The following KPNA4 variants were observed in gnomAD, a reference collection of about 807,000 sequenced individuals.
KPNA4 encodes importin subunit alpha-3.
KPNA4 carries 13 observed loss-of-function variants against 71.3 expected under a neutral mutation model. That is an observed-to-expected ratio of 0.18 (90% CI 0.12 to 0.29). KPNA4 has a LOEUF of 0.29. Ranked by LOEUF, KPNA4 falls within the 10% of genes least tolerant of loss-of-function variation. The pLI is 1.00. For synonymous variants in KPNA4, 189 were observed against 195.2 expected, an observed-to-expected ratio of 0.97 and a Z score of 0.26; for missense variants, 334 against 603.2, an observed-to-expected ratio of 0.55 and a Z score of 4.67.
At chr3:160,502,393 T>G (rs537730968) in intron 16 of KPNA4, among the ~76,000 whole-genome samples, 191 bp from the exon 17 acceptor site, 1 of 151,964 alleles carries the variant, frequency 6.6e-6, no homozygotes, top group Admixed American at 6.6e-5. Context: ...TTTTTTGAGA[T>G]GGGGTCTCAC....
intron 3 of KPNA4, 44 bp from the exon 4 acceptor site, chr3:160,535,734 TA>T: frequency 6.4e-7 from 1 of 1,570,180 alleles, no homozygotes. Context: ...AAAGTCACCT[TA>T]AAATTCTCTT....
chr3:160,540,156 C>T (rs551001962), intron 1 of KPNA4, among the ~76,000 whole-genome samples: 25 of 151,854 alleles, frequency 1.6e-4, no homozygotes, highest in Admixed American at 2.6e-4. Context: ...CATGCCACCA[C>T]GCCCGGCTAA....
intron 1 of KPNA4, among the ~76,000 whole-genome samples, chr3:160,558,345 T>C (rs893634322): frequency 3.6e-4 from 55 of 152,220 alleles, no homozygotes; most frequent in African/African-American, 1.3e-3. Context: ...AAGCAAAATG[T>C]TATTCTGATA....
chr3:160,535,771 C>T, intron 3 of KPNA4, 37 bp downstream of exon 3: 1 of 1,560,364 alleles, frequency 6.4e-7, no homozygotes, highest in South Asian at 1.2e-5. Flanking sequence ...TTCACTCGTA[C>T]TTTTAAGTTA....
intron 5 of KPNA4, among the ~76,000 whole-genome samples, chr3:160,531,768 A>C (rs1721579564): frequency 3.9e-5 from 6 of 152,210 alleles, no homozygotes; most frequent in Admixed American, 3.3e-4. Flanking sequence ...AATTAGAAAA[A>C]TAAGAATGTA....
In KPNA4 at chr3:160,508,172, C is replaced by A. The variant is rs760350615; in HGVS notation, c.1307G>T (p.Ser436Ile). The A allele has an allele frequency of 1.2e-6, 2 of 1,611,826 alleles. No homozygotes were observed. The highest frequency in any genetic ancestry group is 1.7e-6 in the Non-Finnish European group (2 of 1,179,100). The change falls in exon 15 of 17, where the codon AGT becomes ATT. Residue 436 changes from serine (S) to isoleucine (I), a missense_variant. Transcript: ENST00000334256. ...QVVQVVLDGL[S>I]NILKMAEDEA... ...ATCTTCAGCCATTTTTAATATATTA[C>A]TTAGTCCATCGAGTACTACTTGCAC... is the stretch of plus-strand genomic sequence containing the variant.
rs1221342369 is a variant in KPNA4 at position 160,533,756 on chromosome 3, A to T, written c.287+1757T>A. Among the ~76,000 whole-genome samples the T allele has an allele frequency of 2.6e-5, 4 of 152,174 alleles. No individual in the cohort carries two copies. The East Asian group carries it at 7.7e-4, about 29-fold the overall frequency. On this transcript the variant is annotated intron_variant, in intron 5 of 16. Transcript: ENST00000334256. ...GAAAAAAAGGCAAATGAAGTCTTAG[A>T]ATTATTTTGAAAATCAGTTTGCTCT... is the stretch of plus-strand genomic sequence containing the variant.
chr3:160,550,630 G>A (rs573848306), intron 1 of KPNA4, among the ~76,000 whole-genome samples: 38 of 152,260 alleles, frequency 2.5e-4, no homozygotes, highest in African/African-American at 8.4e-4. Context: ...TATGTTGTTT[G>A]CTGTGGGCTT....
At chr3:160,539,152 A>G (rs927435095) in intron 1 of KPNA4, among the ~76,000 whole-genome samples, 2 of 151,760 alleles carry the variant, frequency 1.3e-5, no homozygotes, top group Non-Finnish European at 2.9e-5. Flanking sequence ...CCATCTGCCA[A>G]CTCTCTATTT....
intron 1 of KPNA4, among the ~76,000 whole-genome samples, chr3:160,552,178 G>A (rs1352788846): frequency 7.2e-5 from 11 of 152,052 alleles, no homozygotes; most frequent in African/African-American, 2.7e-4. Flanking sequence ...CAATCCAAAA[G>A]ACTAACAGTA....
At chr3:160,517,312 C>T (rs558439610) in intron 11 of KPNA4, among the ~76,000 whole-genome samples, 164 of 152,174 alleles carry the variant, frequency 1.1e-3, no homozygotes, top group Non-Finnish European at 1.7e-3. Context: ...CTTTTCATGA[C>T]CAAATAATAT....
At chr3:160,503,766 C>T (rs968193138) in intron 16 of KPNA4, among the ~76,000 whole-genome samples, 5 of 152,208 alleles carry the variant, frequency 3.3e-5, no homozygotes, top group African/African-American at 4.8e-5. Context: ...AACTTCAAGA[C>T]ATACGATCAA....
rs1309885771 is a variant in KPNA4, at chr3:160,530,928, C to T, written c.396G>A (p.Gln132=). Residue 132 remains glutamine, a synonymous_variant, in exon 7 of 17, where the codon CAG becomes CAA. Coordinates refer to ENST00000334256, the MANE Select transcript of KPNA4 (RefSeq NM_002268.5). ...CLERDDNPSL[Q]FEAAWALTNI... is the part of the protein sequence containing the mutation. Reference sequence around the variant, plus strand: ...TTGTCAAAGCCCATGCAGCTTCAAACTGTAAAGAAGGACTACAAAAAAAAA... The same window carrying T: ...TTGTCAAAGCCCATGCAGCTTCAAATTGTAAAGAAGGACTACAAAAAAAAA... 1 of 1,608,534 alleles carries T rather than the reference C, an allele frequency of 6.2e-7. No individual in the cohort carries two copies. The highest frequency in any genetic ancestry group is 8.5e-7 in the Non-Finnish European group (1 of 1,177,740).
chr3:160,511,117 A>T (rs893554383), intron 13 of KPNA4, among the ~76,000 whole-genome samples: 2 of 135,394 alleles, frequency 1.5e-5, no homozygotes, highest in African/African-American at 2.8e-5. Context: ...TTATTTATTT[A>T]TTTTTTGAGA....
intron 11 of KPNA4, 30 bp from the exon 12 acceptor site, chr3:160,515,610 G>A (rs776934252): frequency 6.3e-7 from 1 of 1,595,198 alleles, no homozygotes. Context: ...GACATTCTAT[G>A]TGAAATCCTT....
At chr3:160,542,751 G>A (rs550644068) in intron 1 of KPNA4, among the ~76,000 whole-genome samples, 1 of 151,986 alleles carries the variant, frequency 6.6e-6, no homozygotes, top group Non-Finnish European at 1.5e-5. Context: ...AATGGACACT[G>A]AGCATAAGTG....
At chr3:160,559,504 T>C (rs1722202346) in intron 1 of KPNA4, among the ~76,000 whole-genome samples, 1 of 152,142 alleles carries the variant, frequency 6.6e-6, no homozygotes, top group African/African-American at 2.4e-5. Context: ...ACAAAAAGCA[T>C]CAGTAAAAGA....
At chr3:160,511,453 A>G (rs1359854807) in intron 13 of KPNA4, among the ~76,000 whole-genome samples, 1 of 152,204 alleles carries the variant, frequency 6.6e-6, no homozygotes, top group Non-Finnish European at 1.5e-5. Context: ...GACATCTCAA[A>G]TATCATCATT....
chr3:160,563,031 A>G (rs1722276277), intron 1 of KPNA4, among the ~76,000 whole-genome samples: 1 of 152,264 alleles, frequency 6.6e-6, no homozygotes, highest in Non-Finnish European at 1.5e-5. Flanking sequence ...TCCTAGGTAT[A>G]TAGCCAAGAG....
Sources: allele counts gnomAD v4.1 joint callset (sites outside exome capture counted in the v4.1 genomes callset), GRCh38; gene constraint gnomAD v4.1.1; transcripts MANE v1.5; gene names NCBI Gene and HGNC (gene_info 2026-07-23, HGNC 2026-07-21).